Variants in ADAM12 observed in about 807,000 individuals in gnomAD.
ADAM12 encodes ADAM metallopeptidase domain 12.
Under a neutral mutation model 106.4 loss-of-function variants are expected in ADAM12, and 70 were observed. That is an observed-to-expected ratio of 0.66 (90% confidence interval 0.54 to 0.80). ADAM12 has a LOEUF of 0.80. ADAM12 is among the 30% of genes least tolerant of loss of function. ADAM12 has a pLI of 0.00. For missense variants in ADAM12, 1,010 were observed against 1,171.9 expected, an observed-to-expected ratio of 0.86 and a Z score of 2.02; for synonymous variants, 420 against 433.5, an observed-to-expected ratio of 0.97 and a Z score of 0.39.
chr10:126,083,199 G>A (rs1192108148), intron 11 of ADAM12, among the ~76,000 whole-genome samples: 2 of 152,246 alleles, frequency 1.3e-5, no homozygotes, highest in Admixed American at 6.5e-5. Context: ...AAGCCTGGCA[G>A]ACATTCTCTC....
chr10:126,387,984 C>T (rs1856735819), intron 1 of ADAM12, 74 bp downstream of exon 1: 1 of 1,183,578 alleles, frequency 8.4e-7, no homozygotes, highest in Non-Finnish European at 1.0e-6. Flanking sequence ...AGCCCTGGAC[C>T]TCGGCGCGCC....
At position 126,155,585 on chromosome 10, in the gene ADAM12, A is replaced by G. The variant is rs567519041; in HGVS notation, c.261-280T>C. On this transcript the variant is annotated intron_variant, in intron 3 of 22. Coordinates refer to ENST00000448723, the MANE Select transcript of ADAM12 (RefSeq NM_001288973.2). ...TCCCTTCCTCCCACCTCATTCCTTCATGCGCACACTGGGTGCACACACTTG... is the reference window on the plus strand; with the variant it reads ...TCCCTTCCTCCCACCTCATTCCTTCGTGCGCACACTGGGTGCACACACTTG... Among the ~76,000 whole-genome samples, 12 of 152,178 alleles carry G rather than the reference A, an allele frequency of 7.9e-5. No homozygotes were observed. In the South Asian group the frequency reaches 1.9e-3, roughly 24 times the overall value.
rs183555588 is a variant in ADAM12 at position 126,154,249 on chromosome 10, G to A, written c.339+978C>T. 5.8e-3 allele frequency among the ~76,000 whole-genome samples: 883 copies of A among 152,308 alleles called. 9 individuals carry two copies. Among genetic ancestry groups the A allele is most frequent in the African/African-American group, 0.02 (851 of 41,558 alleles). ...CCCCTCTTTGTTTCTGCCTCTTGGGGATTTTGCTGACTCTCTTTTGAGCTT... is the reference window on the plus strand; with the variant it reads ...CCCCTCTTTGTTTCTGCCTCTTGGGAATTTTGCTGACTCTCTTTTGAGCTT... On this transcript the variant is annotated intron_variant, in intron 4 of 22. Coordinates refer to ENST00000448723, the MANE Select transcript of ADAM12 (RefSeq NM_001288973.2).
At chr10:126,047,144 C>T (rs1046761096) in intron 16 of ADAM12, among the ~76,000 whole-genome samples, 5 of 152,354 alleles carry the variant, frequency 3.3e-5, no homozygotes, top group South Asian at 4.1e-4. Flanking sequence ...TCAAGGGATG[C>T]AGCCCTTTAT....
rs752236146 is a variant in ADAM12, at chr10:126,093,996, G to A, written c.1134C>T (p.Asn378=). ...MAVEKGGCIM[N]ASTGYPFPMV... is the part of the protein sequence containing the mutation. The stretch of plus-strand genomic sequence containing the variant: ...GCAATGGTACTTGCCCGGTGGAAGC[G>A]TTCATGATGCAGCCTCCTTTCTCAA... The change falls in exon 11 of 23, where the codon AAC becomes AAT. Residue 378 remains asparagine, a synonymous_variant. Coordinates refer to ENST00000448723, the MANE Select transcript of ADAM12 (RefSeq NM_001288973.2). 9.9e-6 allele frequency: 16 copies of A among 1,614,116 alleles called. No homozygotes were observed. Among genetic ancestry groups the A allele is most frequent in the Middle Eastern group, 1.6e-4 (1 of 6,062 alleles).
Position 126,108,651 on chromosome 10 carries a change from C to T in ADAM12, c.683G>A (p.Gly228Glu). Residue 228 changes from glycine to glutamate, a missense_variant, in exon 8 of 23, where the codon GGA (glycine) becomes GAA (glutamate). Physicochemically the swap from Gly to Glu is moderately conservative, Grantham distance 98. Around this residue, in one of 3 missense-constraint regions of ADAM12, gnomAD observed 391 missense variants for 442.9 expected, o/e 0.88. Coordinates refer to ENST00000448723, the MANE Select transcript of ADAM12 (RefSeq NM_001288973.2). The stretch of plus-strand genomic sequence containing the variant: ...CTGCTTAACTTTTTCCAGATCTTTT[C>T]CTTGCCTCTGAAACTTAACAATTTT... ...VADNREFQRQ[G>E]KDLEKVKQRL... 6.2e-7 allele frequency: 1 copy of T among 1,614,022 alleles called. No homozygotes were observed. The highest frequency in any genetic ancestry group is 8.5e-7 in the Non-Finnish European group (1 of 1,179,862).
intron 11 of ADAM12, among the ~76,000 whole-genome samples, chr10:126,071,877 A>C (rs10901530): frequency 0.18 from 27,850 of 152,192 alleles, 3,342 homozygotes; most frequent in Non-Finnish European, 0.27. Flanking sequence ...CGGCTGATGA[A>C]GAAGTGCTTT....
intron 2 of ADAM12, among the ~76,000 whole-genome samples, chr10:126,292,708 T>C (rs556502407): frequency 1.3e-5 from 2 of 152,362 alleles, no homozygotes; most frequent in Non-Finnish European, 2.9e-5. Flanking sequence ...ACTCTGCCAC[T>C]GCAGTGCAAA....
In ADAM12 at chr10:126,013,458, C is replaced by G. The variant is rs566439477; in HGVS notation, c.*3821G>C. 1 of 152,342 alleles carries G rather than the reference C, an allele frequency of 6.6e-6. No homozygotes were observed. The highest frequency in any genetic ancestry group is 2.1e-4 in the South Asian group (1 of 4,824). 9.4% of individuals were successfully genotyped at this position (152,342 alleles called of 1,614,324 possible). ...GGCTAACTTCCCCTTCTAATTAGAA[C>G]AAGACATTGGGTGGGAGGTCCTCTG... On this transcript the variant is annotated 3_prime_UTR_variant, in exon 23 of 23. Transcript: ENST00000448723. The surrounding 1 kb of genome is among the most constrained non-coding windows in gnomAD (Gnocchi z 4.3).
intron 3 of ADAM12, among the ~76,000 whole-genome samples, chr10:126,160,691 G>A (rs1956916687): frequency 6.6e-6 from 1 of 152,164 alleles, no homozygotes; most frequent in Non-Finnish European, 1.5e-5. Flanking sequence ...TGCTGTCCCT[G>A]CTAAAACTCT....
chr10:126,208,176 TA>T (rs113520004), intron 3 of ADAM12, among the ~76,000 whole-genome samples: 1,637 of 152,290 alleles, frequency 0.011, 36 homozygotes, highest in African/African-American at 0.038. Context: ...AAAAGGTTCT[TA>T]ATTTTAAATC....
intron 2 of ADAM12, among the ~76,000 whole-genome samples, chr10:126,323,698 T>C (rs1262122011): frequency 6.6e-6 from 1 of 152,098 alleles, no homozygotes; most frequent in African/African-American, 2.4e-5. Context: ...AAACTAATAA[T>C]GATGGTACTC....
At chr10:126,221,356 C>T (rs1958088485) in intron 3 of ADAM12, among the ~76,000 whole-genome samples, 1 of 138,686 alleles carries the variant, frequency 7.2e-6, no homozygotes, top group Admixed American at 7.9e-5. Context: ...TGTCACTGGA[C>T]TCCAGCCTGG....
intron 3 of ADAM12, among the ~76,000 whole-genome samples, chr10:126,255,517 C>T (rs1012471857): frequency 2.6e-5 from 4 of 152,192 alleles, no homozygotes; most frequent in Non-Finnish European, 5.9e-5. Context: ...ATGATGTCAT[C>T]ATGGCCATAC....
chr10:126,064,572 G>A lies in ADAM12; in HGVS notation c.1609+234C>T, dbSNP rs895186040. On this transcript the variant is annotated intron_variant, in intron 14 of 22. Coordinates refer to ENST00000448723, the MANE Select transcript of ADAM12 (RefSeq NM_001288973.2). This position sits in a 1 kb window ranked among gnomAD's most constrained non-coding sequence, Gnocchi z 4.4. ...GTGCTCCTGCAGCTCCTGTTGGACC[G>A]CACTGAGCTTCTTAAGGCCAGGCTC... 4.9e-5 allele frequency: 24 copies of A among 491,364 alleles called. No individual in the cohort carries two copies. The highest frequency in any genetic ancestry group is 8.6e-5 in the South Asian group (3 of 34,834). The allele number at this position is 491,364 out of a possible 1,614,324, so 30.4% of individuals were successfully genotyped here. A position where few individuals can be genotyped will look rare whatever the true frequency, so the allele number is the denominator to read the frequency against.
At chr10:126,191,413 G>T (rs111987018) in intron 3 of ADAM12, among the ~76,000 whole-genome samples, 136 of 152,246 alleles carry the variant, frequency 8.9e-4, no homozygotes, top group South Asian at 5.6e-3. Context: ...AAGCCTGGAG[G>T]AAGTCAGCAG....
intron 2 of ADAM12, among the ~76,000 whole-genome samples, chr10:126,317,820 G>A (rs1261836760): frequency 6.6e-6 from 1 of 152,084 alleles, no homozygotes; most frequent in African/African-American, 2.4e-5. Context: ...GTGCAGTGGT[G>A]CAATGTTGGC....
At chr10:126,325,164 C>T (rs1434190789) in intron 2 of ADAM12, among the ~76,000 whole-genome samples, 1 of 152,030 alleles carries the variant, frequency 6.6e-6, no homozygotes, top group Non-Finnish European at 1.5e-5. Context: ...AGAACGGGGT[C>T]TCAGGAGCCC....
intron 21 of ADAM12, among the ~76,000 whole-genome samples, chr10:126,021,433 G>A (rs1953765459): frequency 6.6e-6 from 1 of 152,176 alleles, no homozygotes; most frequent in African/African-American, 2.4e-5. Flanking sequence ...TCTTTGTAAA[G>A]CAAAGGAAGC....
Sources: allele counts gnomAD v4.1 joint callset (sites outside exome capture counted in the v4.1 genomes callset), GRCh38; gene constraint gnomAD v4.1.1; regional missense constraint gnomAD v4.1.1; non-coding constraint Gnocchi (gnomAD v3.1); transcripts MANE v1.5; gene names NCBI Gene and HGNC (gene_info 2026-07-23, HGNC 2026-07-21).